Variants in TP73 observed in about 807,000 individuals in gnomAD.
TP73 encodes the protein p53-like transcription factor.
In TP73, 25 loss-of-function variants were observed where a neutral mutation model predicts 62.5. The observed-to-expected ratio is 0.40, with a 90% CI of 0.29 to 0.56. The LOEUF (loss-of-function observed/expected upper bound fraction) is 0.56, where lower values mean the gene tolerates loss of function less well. Among genes scored for constraint, TP73 ranks in the 20% least tolerant of loss-of-function variants. TP73 has a pLI of 0.46. For missense variants in TP73, 754 were observed against 913.3 expected, an observed-to-expected ratio of 0.83 and a Z score of 2.25; for synonymous variants, 423 against 377.5, an observed-to-expected ratio of 1.12 and a Z score of -1.40.
chr1:3,673,740 C>T (rs1163458636), intron 1 of TP73, among the ~76,000 whole-genome samples: 1 of 152,196 alleles, frequency 6.6e-6, no homozygotes, highest in Non-Finnish European at 1.5e-5. Context: ...AAGGCCTGGG[C>T]AGGCAGCAGA....
intron 3 of TP73, among the ~76,000 whole-genome samples, chr1:3,684,028 G>A (rs1645587061): frequency 6.6e-6 from 1 of 152,262 alleles, no homozygotes; most frequent in Non-Finnish European, 1.5e-5. Context: ...CCAGGCTGTG[G>A]GAGCTGGTGG....
rs181718533 is a variant in TP73 at position 3,728,725 on chromosome 1, G to A, written c.1074+508G>A. 8.9e-4 allele frequency among the ~76,000 whole-genome samples: 136 copies of A among 152,332 alleles called. 2 individuals are homozygous for A. The East Asian group carries it at 0.017, about 19-fold the overall frequency. On this transcript the variant is annotated intron_variant, in intron 9 of 13. Coordinates refer to ENST00000378295, the MANE Select transcript of TP73 (RefSeq NM_005427.4). ...GTCAGTGGCTCATGCCTGTAATCCC[G>A]GCATTTTGGGAGGCTGAGGCGGGTG...
intron 4 of TP73, chr1:3,708,582 G>T (rs945793038): frequency 6.6e-6 from 1 of 152,312 alleles, no homozygotes; most frequent in Non-Finnish European, 1.5e-5. Context: ...CATAGTAAGT[G>T]GGGGCAGCCA....
chr1:3,727,498 G>A lies in TP73; in HGVS notation c.843-130G>A, dbSNP rs898197714. 3.0e-6 allele frequency: 4 copies of A among 1,320,056 alleles called. No individual in the cohort carries two copies. In the African/African-American group the frequency reaches 5.8e-5, roughly 19 times the overall value. The allele number at this position is 1,320,056 out of a possible 1,614,324, so 81.8% of individuals were successfully genotyped here. A position where few individuals can be genotyped will look rare whatever the true frequency, so the allele number is the denominator to read the frequency against. On this transcript the variant is annotated intron_variant, in intron 7 of 13. Coordinates refer to ENST00000378295, the MANE Select transcript of TP73 (RefSeq NM_005427.4). The stretch of plus-strand genomic sequence containing the variant: ...CCTCTAGCGGGAACACTCGCTGCCG[G>A]CACTGGGTGCTCTGTGGTGACCGAG...
intron 3 of TP73, among the ~76,000 whole-genome samples, chr1:3,687,481 A>C (rs1327475222): frequency 6.6e-6 from 1 of 152,176 alleles, no homozygotes; most frequent in Non-Finnish European, 1.5e-5. Flanking sequence ...GACCCACCCG[A>C]GGAGTCTCTG....
intron 3 of TP73, among the ~76,000 whole-genome samples, chr1:3,692,209 A>G (rs1645860441): frequency 6.6e-6 from 1 of 151,982 alleles, no homozygotes; most frequent in South Asian, 2.1e-4. Flanking sequence ...GTGTGTTGCG[A>G]TGGATACATG....
At chr1:3,693,227 T>G (rs1164208318) in intron 3 of TP73, among the ~76,000 whole-genome samples, 2 of 152,236 alleles carry the variant, frequency 1.3e-5, no homozygotes, top group African/African-American at 4.8e-5. Flanking sequence ...TGACCTCATC[T>G]TACTGCAGGA....
At chr1:3,707,195 C>T (rs557478606) in intron 3 of TP73, among the ~76,000 whole-genome samples, 62 of 152,286 alleles carry the variant, frequency 4.1e-4, no homozygotes, top group African/African-American at 1.4e-3. Context: ...GTCCAGACCC[C>T]GATGCCGCCC....
rs539042015 is a variant in TP73 at position 3,714,787 on chromosome 1, C to G, written c.429+6996C>G. Among the ~76,000 whole-genome samples the G allele has an allele frequency of 5.9e-5, 9 of 152,370 alleles. No homozygotes were observed. In the East Asian group the frequency reaches 1.4e-3, roughly 23 times the overall value. On this transcript the variant is annotated intron_variant, in intron 4 of 13. Transcript: ENST00000378295. ...AGCTGCTGGTGGGCATTCCGGGGCC[C>G]TCTGCAAGCCCCAGCTTTTGTCTCT...
intron 6 of TP73, among the ~76,000 whole-genome samples, chr1:3,725,583 T>G (rs1570619265): frequency 2.3e-4 from 14 of 61,126 alleles, no homozygotes; most frequent in East Asian, 6.9e-4. Context: ...GATGGATGGG[T>G]GGGTGGGTGA....
At chr1:3,726,998 C>A in intron 6 of TP73, 117 bp from the exon 7 acceptor site, 1 of 763,470 alleles carries the variant, frequency 1.3e-6, no homozygotes, top group Non-Finnish European at 2.2e-6. Flanking sequence ...AACTATAGAG[C>A]AGGGCATCCC....
At chr1:3,727,078 C>T in intron 6 of TP73, 37 bp from the exon 7 acceptor site, 1 of 1,582,800 alleles carries the variant, frequency 6.3e-7, no homozygotes, top group Non-Finnish European at 8.6e-7. Context: ...GGGCTGCGTG[C>T]TGATGCTAGC....
intron 3 of TP73, among the ~76,000 whole-genome samples, chr1:3,692,018 C>T (rs971711873): frequency 6.6e-6 from 1 of 152,100 alleles, no homozygotes. Context: ...GATGTGCATG[C>T]AATACGCAGG....
chr1:3,691,700 G>A (rs1645836653), intron 3 of TP73, among the ~76,000 whole-genome samples: 1 of 152,234 alleles, frequency 6.6e-6, no homozygotes. Context: ...GCTCGGCACA[G>A]CTGCTCCACG....
chr1:3,685,646 G>T (rs1645635062), intron 3 of TP73, among the ~76,000 whole-genome samples: 1 of 152,238 alleles, frequency 6.6e-6, no homozygotes, highest in Non-Finnish European at 1.5e-5. Context: ...GCGCCAACGG[G>T]TGGGCTCGGG....
chr1:3,657,615 C>T (rs1298710874), intron 1 of TP73, among the ~76,000 whole-genome samples: 3 of 152,200 alleles, frequency 2.0e-5, no homozygotes, highest in East Asian at 1.9e-4. Context: ...AACATTCTCC[C>T]GGACAAGGCG....
chr1:3,728,053 G>A (rs768707208), intron 8 of TP73, 76 bp from the exon 9 acceptor site: 9 of 1,443,590 alleles, frequency 6.2e-6, no homozygotes, highest in Non-Finnish European at 7.5e-6. Context: ...GGTGGGGCAG[G>A]TCTCCCTCCT....
chr1:3,690,784 C>T, intron 3 of TP73: 1 of 1,516,248 alleles, frequency 6.6e-7, no homozygotes. Context: ...CGGAGCCTCT[C>T]CCGCTCGGTC....
rs1293545566 is a variant in TP73 at position 3,666,354 on chromosome 1, T to A, written c.-34+13713T>A. Among the ~76,000 whole-genome samples the A allele has an allele frequency of 1.3e-5, 2 of 152,190 alleles. No individual in the cohort carries two copies. Among genetic ancestry groups the A allele is most frequent in the Non-Finnish European group, 2.9e-5 (2 of 68,040 alleles). On this transcript the variant is annotated intron_variant, in intron 1 of 13. Transcript: ENST00000378295. The surrounding 1 kb of genome is among the most constrained non-coding windows in gnomAD (Gnocchi z 6.4). Reference sequence around the variant, plus strand: ...CTTTTAGAGACAGGGTCTTGCTATGTATCCCACACTAATGAATGTAAAATC... The same window carrying A: ...CTTTTAGAGACAGGGTCTTGCTATGAATCCCACACTAATGAATGTAAAATC...
Sources: allele counts gnomAD v4.1 joint callset (sites outside exome capture counted in the v4.1 genomes callset), GRCh38; gene constraint gnomAD v4.1.1; non-coding constraint Gnocchi (gnomAD v3.1); transcripts MANE v1.5; gene names NCBI Gene and HGNC (gene_info 2026-07-23, HGNC 2026-07-21).